CDKL5: variants seen among roughly 807,000 people sequenced by gnomAD.
CDKL5 encodes cyclin dependent kinase like 5.
CDKL5 carries 8 observed loss-of-function variants against 61.7 expected under a neutral mutation model. The ratio of observed to expected loss-of-function variants is 0.13; its 90% CI spans 0.08 to 0.23. The LOEUF (loss-of-function observed/expected upper bound fraction) is 0.23, where lower values mean the gene tolerates loss of function less well. Among genes scored for constraint, CDKL5 ranks in the 10% least tolerant of loss-of-function variants. The probability of loss-of-function intolerance (pLI) is 1.00; values close to 1 mark genes in which losing one functional copy is unlikely to be tolerated. For missense variants in CDKL5, 440 were observed against 734.5 expected, an observed-to-expected ratio of 0.60 and a Z score of 4.63; for synonymous variants, 275 against 272.3, an observed-to-expected ratio of 1.01 and a Z score of -0.10.
intron 12 of CDKL5, among the ~76,000 whole-genome samples, chrX:18,607,324 C>T (rs1926398586): frequency 9.0e-6 from 1 of 111,588 alleles, no homozygotes; most frequent in Non-Finnish European, 1.9e-5. Flanking sequence ...GAGATGCTGT[C>T]GGGAGAAAGA....
intron 3 of CDKL5, among the ~76,000 whole-genome samples, chrX:18,513,882 T>C (rs1401002580): frequency 1.8e-5 from 2 of 111,935 alleles, no homozygotes; most frequent in East Asian, 2.8e-4. Context: ...AAAATGTATG[T>C]AATCTTCCCG....
intron 3 of CDKL5, among the ~76,000 whole-genome samples, chrX:18,543,808 C>T (rs1403812661): frequency 1.8e-5 from 2 of 111,320 alleles, no homozygotes; most frequent in Non-Finnish European, 3.8e-5. Flanking sequence ...CAGATGGAAA[C>T]CACTCACAAT....
chrX:18,584,137 C>T, intron 7 of CDKL5, 126 bp from the exon 8 acceptor site: 1 of 537,785 alleles, frequency 1.9e-6, no homozygotes, highest in South Asian at 2.4e-5. Flanking sequence ...AATAAATAGC[C>T]CATGCGAGAA....
chrX:18,609,610 C>T (rs1926479426), intron 14 of CDKL5, 40 bp downstream of exon 14: 3 of 1,205,516 alleles, frequency 2.5e-6, no homozygotes, highest in Non-Finnish European at 2.2e-6. Context: ...CCCCTCTCCT[C>T]CCTCTCTCAC....
chrX:18,584,219 A>T, intron 7 of CDKL5, 44 bp from the exon 8 acceptor site: 1 of 886,497 alleles, frequency 1.1e-6, no homozygotes, highest in East Asian at 3.1e-5. Context: ...ATGAATTATT[A>T]TTTCTTTTTC....
At chrX:18,429,126 G>C (rs999193859) in intron 1 of CDKL5, among the ~76,000 whole-genome samples, 1 of 111,264 alleles carries the variant, frequency 9.0e-6, no homozygotes, top group Non-Finnish European at 1.9e-5. Context: ...CTGTTGGTGG[G>C]CGTGAAAGCT....
At chrX:18,492,959 C>T (rs1041092870) in intron 1 of CDKL5, among the ~76,000 whole-genome samples, 4 of 111,687 alleles carry the variant, frequency 3.6e-5, no homozygotes, top group African/African-American at 1.3e-4. Context: ...TTGAAATAGC[C>T]CAACCTGCTG....
At chrX:18,433,290 G>A (rs1010010959) in intron 1 of CDKL5, among the ~76,000 whole-genome samples, 15 of 109,721 alleles carry the variant, frequency 1.4e-4, no homozygotes, top group African/African-American at 5.0e-4. Flanking sequence ...GGTGGCTCAC[G>A]CCTGTAATCC....
chrX:18,554,925 A>G (rs2147125254), intron 3 of CDKL5, among the ~76,000 whole-genome samples: 1 of 111,043 alleles, frequency 9.0e-6, no homozygotes, highest in East Asian at 2.8e-4. Flanking sequence ...CTCTTCAACA[A>G]GTGATCATTC....
At chrX:18,488,406 T>G (rs1921867065) in intron 1 of CDKL5, among the ~76,000 whole-genome samples, 1 of 111,929 alleles carries the variant, frequency 8.9e-6, no homozygotes, top group Non-Finnish European at 1.9e-5. Context: ...ACAATTGTTG[T>G]ATTATACTAG....
chrX:18,605,883 T>A (rs923948931), intron 12 of CDKL5, among the ~76,000 whole-genome samples: 9 of 111,918 alleles, frequency 8.0e-5, no homozygotes, highest in African/African-American at 2.9e-4. Context: ...AACTGATACA[T>A]GATAACAATG....
chrX:18,437,239 C>T (rs1213368416), intron 1 of CDKL5, among the ~76,000 whole-genome samples: 2 of 111,713 alleles, frequency 1.8e-5, no homozygotes, highest in African/African-American at 3.3e-5. Context: ...TTGTCGTCTG[C>T]GGTACTCCTT....
At chrX:18,504,069 A>T (rs1922481628) in intron 1 of CDKL5, among the ~76,000 whole-genome samples, 1 of 110,330 alleles carries the variant, frequency 9.1e-6, no homozygotes, top group Non-Finnish European at 1.9e-5. Context: ...GTTTAATACT[A>T]ATGTTAATAA....
At chrX:18,651,101 G>A (rs1454919048) in intron 21 of CDKL5, among the ~76,000 whole-genome samples, 1 of 108,848 alleles carries the variant, frequency 9.2e-6, no homozygotes, top group Non-Finnish European at 1.9e-5. Flanking sequence ...ACTCTGTTCT[G>A]TCCCCATTAC....
chrX:18,605,087 A>G (rs1313967221), intron 12 of CDKL5, among the ~76,000 whole-genome samples: 1 of 108,723 alleles, frequency 9.2e-6, no homozygotes, highest in African/African-American at 3.3e-5. Flanking sequence ...GAAAAGTCAA[A>G]TTTTGTTTTT....
At chrX:18,538,877 T>A (rs1439284251) in intron 3 of CDKL5, among the ~76,000 whole-genome samples, 1 of 112,511 alleles carries the variant, frequency 8.9e-6, no homozygotes, top group Non-Finnish European at 1.9e-5. Context: ...TATTGGAAAC[T>A]TGATAATTAT....
chrX:18,531,498 C>G (rs1284791225), intron 3 of CDKL5, among the ~76,000 whole-genome samples: 1 of 111,156 alleles, frequency 9.0e-6, no homozygotes, highest in African/African-American at 3.3e-5. Flanking sequence ...TCTCAGTTAG[C>G]CTTTGTCAAA....
rs980610605 is a variant in CDKL5 at position 18,434,101 on chromosome X, A to G, written c.-163+8406A>G. On this transcript the variant is annotated intron_variant, in intron 1 of 17. Coordinates refer to ENST00000623535, the MANE Select transcript of CDKL5 (RefSeq NM_001323289.2). ...TACCTTCTAGGGTGGGCTGAGGAGT[A>G]AGGCCAGCTTAGGAACGGGAAGTCT... Among the ~76,000 whole-genome samples, 3 of 111,700 alleles carry G rather than the reference A, an allele frequency of 2.7e-5. No homozygotes were observed. The Admixed American group carries it at 2.9e-4, about 11-fold the overall frequency.
chrX:18,481,442 T>A (rs771908020), intron 1 of CDKL5, among the ~76,000 whole-genome samples: 2 of 106,517 alleles, frequency 1.9e-5, no homozygotes, highest in East Asian at 3.0e-4. Context: ...AGCCTTGACC[T>A]CCTAGGCTCA....
Sources: allele counts gnomAD v4.1 joint callset (sites outside exome capture counted in the v4.1 genomes callset), GRCh38; gene constraint gnomAD v4.1.1; transcripts MANE v1.5; gene names NCBI Gene and HGNC (gene_info 2026-07-23, HGNC 2026-07-21).